The following PLCL2 variants were observed in gnomAD, a reference collection of about 807,000 sequenced individuals.
PLCL2 encodes phospholipase C like 2.
PLCL2 carries 4 observed loss-of-function variants against 79.6 expected under a neutral mutation model. The ratio of observed to expected loss-of-function variants is 0.05; its 90% CI spans 0.02 to 0.11. PLCL2 has a LOEUF of 0.11. Among genes scored for constraint, PLCL2 ranks in the 10% least tolerant of loss-of-function variants. The pLI is 1.00. For synonymous variants in PLCL2, 484 were observed against 457.7 expected (o/e 1.06, Z -0.73); for missense variants, 895 against 1,291.0 (o/e 0.69, Z 4.70).
At chr3:17,047,129 G>A (rs78782056) in intron 4 of PLCL2, among the ~76,000 whole-genome samples, 4,339 of 152,198 alleles carry the variant, frequency 0.029, 228 homozygotes, top group African/African-American at 0.1. Context: ...CAATTATTTG[G>A]TTCTTTACGT....
chr3:16,902,195 A>G (rs1192866269), intron 1 of PLCL2, among the ~76,000 whole-genome samples: 2 of 152,214 alleles, frequency 1.3e-5, no homozygotes, highest in South Asian at 2.1e-4. Flanking sequence ...AGTTTGGCAG[A>G]TGACACCACT....
intron 1 of PLCL2, among the ~76,000 whole-genome samples, chr3:16,957,267 C>T (rs1033373898): frequency 1.4e-4 from 21 of 152,068 alleles, no homozygotes; most frequent in South Asian, 6.2e-4. Context: ...TCTTTATTTC[C>T]GCCTTCATTT....
intron 1 of PLCL2, among the ~76,000 whole-genome samples, chr3:16,903,624 G>T (rs1238038093): frequency 6.6e-6 from 1 of 152,192 alleles, no homozygotes; most frequent in Non-Finnish European, 1.5e-5. Context: ...TAGGAGTTCT[G>T]ATGTGCCCAG....
chr3:17,026,223 G>A (rs1476645685), intron 3 of PLCL2, among the ~76,000 whole-genome samples: 1 of 152,150 alleles, frequency 6.6e-6, no homozygotes, highest in East Asian at 1.9e-4. Flanking sequence ...AAAATTCTGA[G>A]CCATAAGAAA....
intron 1 of PLCL2, among the ~76,000 whole-genome samples, chr3:16,940,690 A>G (rs567297644): frequency 6.6e-6 from 1 of 152,364 alleles, no homozygotes; most frequent in East Asian, 1.9e-4. Flanking sequence ...ATCAGATAGG[A>G]TAGAGGTTCA....
At chr3:16,973,157 C>T (rs905682120) in intron 1 of PLCL2, among the ~76,000 whole-genome samples, 3 of 152,074 alleles carry the variant, frequency 2.0e-5, no homozygotes, top group African/African-American at 7.2e-5. Flanking sequence ...CCTTAAGGAC[C>T]TCTTGTAAGG....
In PLCL2 at chr3:16,979,356, T is replaced by TA. The variant is rs1559506054; in HGVS notation, c.328-30318_328-30317insA. On this transcript the variant is annotated intron_variant, in intron 1 of 5. Coordinates refer to ENST00000615277, the MANE Select transcript of PLCL2 (RefSeq NM_001144382.2). The stretch of plus-strand genomic sequence containing the variant: ...ATCAAATCACTTTCTTTTTTTTTTT[T>TA]TTTAATCATTCTTGGGTGTTTCTCG... Among the ~76,000 whole-genome samples, 41 of 10,900 alleles carry TA rather than the reference T, an allele frequency of 3.8e-3. No homozygotes were observed. In the African/African-American group the frequency reaches 0.046, roughly 12 times the overall value. The allele number at this position is 10,900 out of a possible 152,430, so 7.2% of individuals were successfully genotyped here. A position where few individuals can be genotyped will look rare whatever the true frequency, so the allele number is the denominator to read the frequency against.
intron 1 of PLCL2, among the ~76,000 whole-genome samples, chr3:16,979,881 G>A (rs531397642): frequency 6.6e-6 from 1 of 150,842 alleles, no homozygotes; most frequent in South Asian, 2.1e-4. Flanking sequence ...TGGTGGCCGG[G>A]CAGAGGGGCT....
At chr3:16,923,102 C>T (rs755692223) in intron 1 of PLCL2, among the ~76,000 whole-genome samples, 4 of 152,180 alleles carry the variant, frequency 2.6e-5, no homozygotes, top group Non-Finnish European at 5.9e-5. Context: ...CAACCACCAA[C>T]CAGCCATTAA....
intron 1 of PLCL2, among the ~76,000 whole-genome samples, chr3:16,965,502 G>A (rs1371807952): frequency 1.8e-4 from 28 of 151,648 alleles, no homozygotes; most frequent in Non-Finnish European, 3.5e-4. Flanking sequence ...TTGGCAATGC[G>A]GGCTCTTTTT....
At chr3:16,899,388 G>GCAACAACAGAGTATCAAGTAGGTTT (rs1696565969) in intron 1 of PLCL2, among the ~76,000 whole-genome samples, 3 of 152,220 alleles carry the variant, frequency 2.0e-5, no homozygotes, top group Admixed American at 6.5e-5. Context: ...TTTGAAAACA[G>GCAACAACAGAGTATCAAGTAGGTTT]CAACAACAGA....
intron 1 of PLCL2, among the ~76,000 whole-genome samples, chr3:16,960,322 T>C (rs1421127248): frequency 1.3e-5 from 2 of 152,228 alleles, no homozygotes; most frequent in African/African-American, 2.4e-5. Flanking sequence ...GCCACACTGG[T>C]CCATCTTACC....
At chr3:16,948,679 A>G (rs1254828581) in intron 1 of PLCL2, among the ~76,000 whole-genome samples, 1 of 152,228 alleles carries the variant, frequency 6.6e-6, no homozygotes, top group East Asian at 1.9e-4. Context: ...TACTAATCTG[A>G]GGAAAGTTCT....
chr3:17,019,231 AAG>A (rs1327857297), intron 3 of PLCL2, among the ~76,000 whole-genome samples: 2 of 152,202 alleles, frequency 1.3e-5, no homozygotes, highest in Non-Finnish European at 2.9e-5. Context: ...AAATATGCTC[AAG>A]CACATATTCT....
intron 1 of PLCL2, among the ~76,000 whole-genome samples, chr3:16,979,160 T>C (rs1487795600): frequency 6.6e-6 from 1 of 152,182 alleles, no homozygotes; most frequent in Non-Finnish European, 1.5e-5. Flanking sequence ...TTACGTATTA[T>C]AGGCCACATG....
rs546082766 is a variant in PLCL2, at chr3:17,080,747, G to A, written c.3205-8986G>A. ...ATTACAGGTGTGAGCCACCACACCC[G>A]TTTCATTCTTTTGTTCACTCATTCC... is the stretch of plus-strand genomic sequence containing the variant. On this transcript the variant is annotated intron_variant, in intron 5 of 5. Coordinates refer to ENST00000615277, the MANE Select transcript of PLCL2 (RefSeq NM_001144382.2). Among the ~76,000 whole-genome samples the A allele has an allele frequency of 1.8e-3, 267 of 152,270 alleles. 1 individual carries two copies. Among genetic ancestry groups the A allele is most frequent in the African/African-American group, 6.0e-3 (250 of 41,552 alleles).
rs1407970515 is a variant in PLCL2, at chr3:17,010,011, A to G, written c.665A>G (p.Tyr222Cys). ...ISEDCAFSVI[Y>C]GENYESLDLV... ...GAAGATTGTGCGTTTTCCGTCATATATGGAGAGAATTATGAGTCACTGGAT... is the reference window on the plus strand; with the variant it reads ...GAAGATTGTGCGTTTTCCGTCATATGTGGAGAGAATTATGAGTCACTGGAT... The change falls in exon 2 of 6, where the codon TAT becomes TGT. Residue 222 changes from tyrosine (Y) to cysteine (C), a missense_variant. Tyr to Cys is a radical substitution (Grantham distance 194). Transcript: ENST00000615277. This position sits in a 1 kb window ranked among gnomAD's most constrained non-coding sequence, Gnocchi z 5.8. 3 of 1,613,830 alleles carry G rather than the reference A, an allele frequency of 1.9e-6. No homozygotes were observed. Among genetic ancestry groups the G allele is most frequent in the Admixed American group, 1.7e-5 (1 of 60,010 alleles).
chr3:16,990,859 T>C (rs1489009669), intron 1 of PLCL2, among the ~76,000 whole-genome samples: 1 of 152,186 alleles, frequency 6.6e-6, no homozygotes. Flanking sequence ...AAGGAATTAT[T>C]ACAGGTAGTG....
chr3:17,019,361 T>C (rs2064421892), intron 3 of PLCL2, among the ~76,000 whole-genome samples: 1 of 152,150 alleles, frequency 6.6e-6, no homozygotes. Flanking sequence ...GAAATAGAAC[T>C]CAGAGACCAC....
Sources: gnomAD v4.1 joint callset for allele counts (sites outside exome capture counted in the v4.1 genomes callset) on GRCh38, gnomAD v4.1.1 for gene constraint, Gnocchi (gnomAD v3.1) non-coding constraint, MANE v1.5 for transcripts, NCBI Gene and HGNC (gene_info 2026-07-23, HGNC 2026-07-21) for gene names.